Variants in PRSS3 observed in about 807,000 individuals in gnomAD.
PRSS3 encodes the protein trypsin-3.
In PRSS3, 14 loss-of-function variants were observed where a neutral mutation model predicts 20.8. The observed-to-expected ratio is 0.67, with a 90% CI of 0.44 to 1.05. PRSS3 has a LOEUF of 1.05. PRSS3 is among the 50% of genes least tolerant of loss of function. The pLI is 0.00. For synonymous variants in PRSS3, 91 were observed against 117.6 expected (o/e 0.77, Z 1.46); for missense variants, 237 against 306.4 (o/e 0.77, Z 1.69).
chr9:33,778,490 CA>C (rs1824038007), intron 1 of PRSS3, among the ~76,000 whole-genome samples: 1 of 152,034 alleles, frequency 6.6e-6, no homozygotes, highest in South Asian at 2.1e-4. Flanking sequence ...TTAATAAGTG[CA>C]TACCTTAATT....
chr9:33,770,911 G>A (rs1395087193), intron 1 of PRSS3, among the ~76,000 whole-genome samples: 2 of 152,158 alleles, frequency 1.3e-5, no homozygotes, highest in African/African-American at 4.8e-5. Flanking sequence ...GGAGAAACCT[G>A]GGAAATATCG....
At chr9:33,772,349 A>G (rs1357341547) in intron 1 of PRSS3, among the ~76,000 whole-genome samples, 1 of 152,210 alleles carries the variant, frequency 6.6e-6, no homozygotes, top group Admixed American at 6.5e-5. Flanking sequence ...CTGGGCCACA[A>G]GAGTCTTGGC....
In PRSS3 at chr9:33,799,073, G is replaced by T. The variant is rs147767884; in HGVS notation, c.637G>T (p.Val213Phe). The T allele has an allele frequency of 6.4e-7, 1 of 1,573,586 alleles. No individual in the cohort carries two copies. The highest frequency in any genetic ancestry group is 8.6e-7 in the Non-Finnish European group (1 of 1,163,348). ...PVVCNGQLQG[V>F]VSWGHGCAWK... is the part of the protein sequence containing the mutation. Reference sequence around the variant, plus strand: ...GGTCTGCAACGGACAGCTCCAAGGAGTTGTCTCCTGGGGCCATGGCTGTGC... The same window carrying T: ...GGTCTGCAACGGACAGCTCCAAGGATTTGTCTCCTGGGGCCATGGCTGTGC... Residue 213 changes from valine (V) to phenylalanine (F), a missense_variant, in exon 5 of 5, where the codon GTT (valine) becomes TTT (phenylalanine). Val to Phe is a conservative substitution (Grantham distance 50). Transcript: ENST00000379405.
chr9:33,779,547 T>C (rs1446907013), intron 1 of PRSS3, among the ~76,000 whole-genome samples: 1 of 152,084 alleles, frequency 6.6e-6, no homozygotes, highest in Non-Finnish European at 1.5e-5. Flanking sequence ...TCAACTTAGA[T>C]GAAAATTAAG....
At position 33,782,691 on chromosome 9, in the gene PRSS3, C is replaced by T. The variant is rs548525180; in HGVS notation, c.-52-12055C>T. ...GAGATACCACTAACCATCCACATAC[C>T]CACTCAAATTAAACCACCTGGCAAC... On this transcript the variant is annotated intron_variant, in intron 1 of 5. Transcript: ENST00000342836. Among the ~76,000 whole-genome samples, 45 of 152,224 alleles carry T rather than the reference C, an allele frequency of 3.0e-4. 1 individual carries two copies. The highest frequency in any genetic ancestry group is 1.0e-3 in the African/African-American group (43 of 41,522).
intron 1 of PRSS3, among the ~76,000 whole-genome samples, chr9:33,781,036 T>C (rs1824162091): frequency 6.6e-6 from 1 of 152,152 alleles, no homozygotes; most frequent in African/African-American, 2.4e-5. Flanking sequence ...CAGTTGAAAC[T>C]AATAGACAAA....
chr9:33,780,672 C>A (rs1380250765), intron 1 of PRSS3, among the ~76,000 whole-genome samples: 1 of 152,144 alleles, frequency 6.6e-6, no homozygotes, highest in African/African-American at 2.4e-5. Context: ...TCACATGTAA[C>A]AACACCCACA....
chr9:33,774,737 G>A lies in PRSS3; in HGVS notation c.-52-20009G>A, dbSNP rs528416922. 1.2e-4 allele frequency among the ~76,000 whole-genome samples: 18 copies of A among 152,228 alleles called. No individual in the cohort carries two copies. The South Asian group carries it at 3.7e-3, about 32-fold the overall frequency. On this transcript the variant is annotated intron_variant, in intron 1 of 5. Coordinates refer to the PRSS3 transcript ENST00000342836. ...ACAGTGGCTCACGCCTGTAATCCCA[G>A]CACTTTGGGAGGCCGAGGCAGGTGG... is the stretch of plus-strand genomic sequence containing the variant.
intron 1 of PRSS3, among the ~76,000 whole-genome samples, chr9:33,763,438 G>C (rs747810838): frequency 5.9e-5 from 9 of 152,050 alleles, no homozygotes; most frequent in African/African-American, 2.2e-4. Flanking sequence ...GGTGGCTCAC[G>C]CCTGTAATCC....
At chr9:33,760,043 G>A (rs1186762357) in intron 1 of PRSS3, among the ~76,000 whole-genome samples, 3 of 152,152 alleles carry the variant, frequency 2.0e-5, no homozygotes, top group African/African-American at 4.8e-5. Flanking sequence ...CTGGCATCTC[G>A]GAAATTTGAC....
At chr9:33,796,594 C>G in intron 1 of PRSS3, 49 bp from the exon 2 acceptor site, 2 of 1,609,366 alleles carry the variant, frequency 1.2e-6, no homozygotes, top group Non-Finnish European at 1.7e-6. Context: ...GGGAGCACCA[C>G]CCCTAACATG....
chr9:33,794,701 G>A, upstream of PRSS3: 24 of 1,505,798 alleles, frequency 1.6e-5, no homozygotes, highest in South Asian at 2.6e-5. Flanking sequence ...GGTTCAGGCT[G>A]TCAGCCCTGA....
At chr9:33,793,057 C>T (rs1209350081), upstream of PRSS3, among the ~76,000 whole-genome samples, 1 of 152,252 alleles carries the variant, frequency 6.6e-6, no homozygotes, top group Non-Finnish European at 1.5e-5. Flanking sequence ...CCTGTAAGGT[C>T]ATTCCTTTTT....
At chr9:33,781,109 G>A (rs1019227937) in intron 1 of PRSS3, among the ~76,000 whole-genome samples, 4 of 152,170 alleles carry the variant, frequency 2.6e-5, no homozygotes, top group Non-Finnish European at 5.9e-5. Flanking sequence ...AATTAGTTCA[G>A]GCACTGAGGA....
chr9:33,798,782 C>A, intron 4 of PRSS3, 160 bp downstream of exon 4: 1 of 1,249,982 alleles, frequency 8.0e-7, no homozygotes, highest in Non-Finnish European at 1.1e-6. Flanking sequence ...CCCTGCATTG[C>A]CCCCATGGAG....
intron 1 of PRSS3, among the ~76,000 whole-genome samples, chr9:33,753,248 G>A (rs566390321): frequency 6.6e-6 from 1 of 152,130 alleles, no homozygotes; most frequent in African/African-American, 2.4e-5. Context: ...CTCTCATTTG[G>A]TATATTTCAT....
Position 33,752,152 on chromosome 9 carries a change from T to G in PRSS3, c.-53+1425T>G, listed in dbSNP as rs191749735. 1.4e-3 allele frequency among the ~76,000 whole-genome samples: 213 copies of G among 152,294 alleles called. 1 individual carries two copies. The highest frequency in any genetic ancestry group is 4.9e-3 in the African/African-American group (205 of 41,568). On this transcript the variant is annotated intron_variant, in intron 1 of 5. Transcript: ENST00000342836. Reference sequence around the variant, plus strand: ...AGGAAACAGTGCCCCCACTTACTTATCCTCAGGCCACACCTGTTCCCATTT... The same window carrying G: ...AGGAAACAGTGCCCCCACTTACTTAGCCTCAGGCCACACCTGTTCCCATTT...
chr9:33,785,821 C>A (rs1824380042), intron 1 of PRSS3: 1 of 152,312 alleles, frequency 6.6e-6, no homozygotes, highest in South Asian at 2.1e-4. Context: ...TTTGGGACAA[C>A]CATGAAGACC....
At chr9:33,785,160 A>ATTTTTTTTTTTTTTTTTGTTTT (rs1824338516) in intron 1 of PRSS3, among the ~76,000 whole-genome samples, 1 of 72,500 alleles carries the variant, frequency 1.4e-5, no homozygotes, top group Non-Finnish European at 2.3e-5. Flanking sequence ...ATTGTGGTCA[A>ATTTTTTTTTTTTTTTTTGTTTT]TTTTTTTTTT....
Sources: allele counts gnomAD v4.1 joint callset (sites outside exome capture counted in the v4.1 genomes callset), GRCh38; gene constraint gnomAD v4.1.1; transcripts MANE v1.5; gene names NCBI Gene and HGNC (gene_info 2026-07-23, HGNC 2026-07-21).